Variants in TMCO1 observed in about 807,000 individuals in gnomAD.
TMCO1 encodes the protein calcium load-activated calcium channel.
Under a neutral mutation model 29.3 loss-of-function variants are expected in TMCO1, and 29 were observed. That is an observed-to-expected ratio of 0.99 (90% CI 0.74 to 1.35). The LOEUF (loss-of-function observed/expected upper bound fraction) is 1.35. Among genes scored for constraint, TMCO1 ranks in the 40% most tolerant of loss-of-function variants. TMCO1 has a pLI of 0.00. For missense variants in TMCO1, 173 were observed against 225.5 expected (o/e 0.77, Z 1.49); for synonymous variants, 80 against 77.1 (o/e 1.04, Z -0.20).
At chr1:165,761,600 T>C (rs1195396395) in intron 2 of TMCO1, among the ~76,000 whole-genome samples, 1 of 151,966 alleles carries the variant, frequency 6.6e-6, no homozygotes, top group East Asian at 1.9e-4. Context: ...ATGAACATAC[T>C]AGTGAGAGAT....
intron 6 of TMCO1, 54 bp downstream of exon 6, chr1:165,743,113 T>C: frequency 1.3e-6 from 2 of 1,597,488 alleles, no homozygotes; most frequent in Non-Finnish European, 1.7e-6. Flanking sequence ...AAAAGCTAAT[T>C]GGTATGACAG....
intron 3 of TMCO1, chr1:165,754,823 G>T (rs976247093): frequency 4.6e-5 from 7 of 153,628 alleles, no homozygotes; most frequent in African/African-American, 1.7e-4. Flanking sequence ...GCAAGACCCT[G>T]TCTCTGCAAA....
chr1:165,740,224 CAG>C (rs1281304220), intron 6 of TMCO1, among the ~76,000 whole-genome samples: 1 of 151,786 alleles, frequency 6.6e-6, no homozygotes, highest in African/African-American at 2.4e-5. Flanking sequence ...TTTTTTGAGA[CAG>C]AGTCTTGCTC....
intron 2 of TMCO1, among the ~76,000 whole-genome samples, chr1:165,765,202 G>T (rs988340668): frequency 6.6e-6 from 1 of 152,178 alleles, no homozygotes; most frequent in Non-Finnish European, 1.5e-5. Flanking sequence ...CAGTATATTA[G>T]AAAGTAATAA....
At chr1:165,765,259 G>C (rs1652526652) in intron 2 of TMCO1, among the ~76,000 whole-genome samples, 1 of 152,106 alleles carries the variant, frequency 6.6e-6, no homozygotes, top group South Asian at 2.1e-4. Flanking sequence ...AGGAGTAGGG[G>C]AGATGGGCAG....
At chr1:165,725,040 ATATATAT>A (rs1558024452), downstream of TMCO1, 5 of 237,234 alleles carry the variant, frequency 2.1e-5, no homozygotes, top group South Asian at 4.8e-5. Context: ...ATATATATAT[ATATATAT>A]AAAATAGTGT....
chr1:165,752,884 G>A (rs960482101), intron 4 of TMCO1, among the ~76,000 whole-genome samples: 2 of 152,066 alleles, frequency 1.3e-5, no homozygotes, highest in East Asian at 1.9e-4. Flanking sequence ...CTTGCCACCC[G>A]GTGAGGAAGA....
intron 2 of TMCO1, among the ~76,000 whole-genome samples, chr1:165,761,478 T>C (rs1368831338): frequency 6.6e-6 from 1 of 151,796 alleles, no homozygotes; most frequent in Non-Finnish European, 1.5e-5. Flanking sequence ...GAGGCTGCAG[T>C]GAGCTGTGTT....
intron 5 of TMCO1, among the ~76,000 whole-genome samples, chr1:165,748,903 T>G (rs1484699153): frequency 2.0e-5 from 3 of 152,198 alleles, no homozygotes; most frequent in Non-Finnish European, 4.4e-5. Flanking sequence ...GTCTCCATAG[T>G]TTTGCCTTTT....
intron 5 of TMCO1, among the ~76,000 whole-genome samples, chr1:165,751,688 G>T (rs1571224159): frequency 6.6e-6 from 1 of 150,838 alleles, no homozygotes; most frequent in Non-Finnish European, 1.5e-5. Flanking sequence ...CTGGGTGACA[G>T]AGCAAGACTC....
intron 3 of TMCO1, among the ~76,000 whole-genome samples, chr1:165,756,839 T>TATATATACAA (rs1439464677): frequency 6.6e-6 from 1 of 150,500 alleles, no homozygotes; most frequent in Non-Finnish European, 1.5e-5. Flanking sequence ...AAATATATAC[T>TATATATACAA]ATATATACAA....
At chr1:165,743,135 A>G (rs1301509038) in intron 6 of TMCO1, 32 bp downstream of exon 6, 1 of 1,612,842 alleles carries the variant, frequency 6.2e-7, no homozygotes, top group Admixed American at 1.7e-5. Flanking sequence ...AAGGAAAAAT[A>G]TACATATTAA....
rs1379584082 is a variant in TMCO1 at position 165,743,217 on chromosome 1, CTG to C, written c.416_417del (p.Thr139ArgfsTer79). 6.2e-7 allele frequency: 1 copy of C among 1,613,576 alleles called. No homozygotes were observed. The highest frequency in any genetic ancestry group is 1.3e-5 in the African/African-American group (1 of 74,776). On this transcript the variant is annotated frameshift_variant, in exon 6 of 7. Coordinates refer to ENST00000367881, the MANE Select transcript of TMCO1 (RefSeq NM_019026.6). LOFTEE classifies it high-confidence loss of function. The stretch of plus-strand genomic sequence containing the variant: ...ATATACAGGAAAATGAAGGAACAGT[CTG>C]TGGTGTCATCTCCCAGCAGATTTCG... ...SHRNLLGDDT[T>X]DCSFIFLYIL... is the part of the protein sequence containing the mutation.
Position 165,752,129 on chromosome 1 carries a change from G to A in TMCO1, c.296C>T (p.Thr99Ile). 1 of 1,613,032 alleles carries A rather than the reference G, an allele frequency of 6.2e-7. No individual in the cohort carries two copies. The highest frequency in any genetic ancestry group is 8.5e-7 in the Non-Finnish European group (1 of 1,179,528). The change falls in exon 5 of 7, where the codon ACT (threonine) becomes ATT (isoleucine). Residue 99 changes from threonine to isoleucine, a missense_variant. Coordinates refer to ENST00000367881, the MANE Select transcript of TMCO1 (RefSeq NM_019026.6). ...KSMFAIGFCF[T>I]ALMGMFNSIF... ...GGAATTGAACATTCCCATTAGGGCA[G>A]TAAAACAAAAGCCAATAGCAAACAT...
At chr1:165,733,840 T>C (rs535803245) in intron 6 of TMCO1, among the ~76,000 whole-genome samples, 1 of 152,374 alleles carries the variant, frequency 6.6e-6, no homozygotes, top group African/African-American at 2.4e-5. Context: ...TTGTGTCTTC[T>C]ACTGGCAGGA....
chr1:165,749,842 A>G (rs189738779), intron 5 of TMCO1, among the ~76,000 whole-genome samples: 34 of 152,270 alleles, frequency 2.2e-4, no homozygotes, highest in Non-Finnish European at 4.1e-4. Flanking sequence ...AAAAACATAA[A>G]AAATAAACGT....
At chr1:165,767,284 A>C (rs1652609796) in intron 2 of TMCO1, among the ~76,000 whole-genome samples, 1 of 152,254 alleles carries the variant, frequency 6.6e-6, no homozygotes, top group South Asian at 2.1e-4. Flanking sequence ...TAATCCTTAT[A>C]AGGAAAAAAA....
chr1:165,726,992 A>G lies in TMCO1; in HGVS notation c.*1031T>C, dbSNP rs1050618261. The G allele has an allele frequency of 3.1e-5, 14 of 453,972 alleles. No homozygotes were observed. The highest frequency in any genetic ancestry group is 6.0e-5 in the African/African-American group (3 of 49,998). 28.1% of individuals were successfully genotyped at this position (453,972 alleles called of 1,614,324 possible). ...ATGTGTTTTTTCTCACTGGTAGAAT[A>G]CTCACATTTAAGTAGACATTTGATG... On this transcript the variant is annotated 3_prime_UTR_variant, in exon 7 of 7. Coordinates refer to ENST00000367881, the MANE Select transcript of TMCO1 (RefSeq NM_019026.6).
At chr1:165,749,087 C>T (rs1037004660) in intron 5 of TMCO1, among the ~76,000 whole-genome samples, 2 of 152,100 alleles carry the variant, frequency 1.3e-5, no homozygotes, top group African/African-American at 4.8e-5. Context: ...TTTCACCTAC[C>T]GAAAGACATC....
Sources: gnomAD v4.1 joint callset for allele counts (sites outside exome capture counted in the v4.1 genomes callset) on GRCh38, gnomAD v4.1.1 for gene constraint, MANE v1.5 for transcripts, NCBI Gene and HGNC (gene_info 2026-07-23, HGNC 2026-07-21) for gene names.